DHX15: variants seen among roughly 807,000 people sequenced by gnomAD.
DHX15 encodes DEAH-box helicase 15.
In DHX15, 11 loss-of-function variants were observed where a neutral mutation model predicts 94.4. The ratio of observed to expected loss-of-function variants is 0.12; its 90% CI spans 0.07 to 0.19. DHX15 has a LOEUF of 0.19. Among genes scored for constraint, DHX15 ranks in the 10% least tolerant of loss-of-function variants. The pLI, the probability that DHX15 is intolerant of heterozygous loss-of-function variation, is 1.00. For missense variants in DHX15, 304 were observed against 988.5 expected, an observed-to-expected ratio of 0.31 and a Z score of 9.29; for synonymous variants, 338 against 329.9, an observed-to-expected ratio of 1.02 and a Z score of -0.27.
intron 11 of DHX15, among the ~76,000 whole-genome samples, chr4:24,534,686 G>C (rs763380874): frequency 1.3e-5 from 2 of 151,976 alleles, no homozygotes; most frequent in Non-Finnish European, 2.9e-5. Context: ...TCTAGTTTTC[G>C]ATTTCAAAGG....
intron 3 of DHX15, among the ~76,000 whole-genome samples, chr4:24,569,635 T>G (rs1216862672): frequency 6.6e-6 from 1 of 151,322 alleles, no homozygotes; most frequent in Non-Finnish European, 1.5e-5. Context: ...TTGTTTCATT[T>G]ATCCCATTAA....
At chr4:24,565,987 C>A (rs1312936928) in intron 3 of DHX15, among the ~76,000 whole-genome samples, 3 of 151,990 alleles carry the variant, frequency 2.0e-5, no homozygotes, top group Non-Finnish European at 4.4e-5. Flanking sequence ...CAGACACTGA[C>A]CCTAGAGGCT....
chr4:24,529,292 G>C (rs1200316693), intron 13 of DHX15, among the ~76,000 whole-genome samples: 1 of 152,044 alleles, frequency 6.6e-6, no homozygotes, highest in Non-Finnish European at 1.5e-5. Flanking sequence ...TCCCATCCTG[G>C]CCTCCCAGAG....
chr4:24,566,255 A>AC (rs747991522), intron 3 of DHX15, among the ~76,000 whole-genome samples: 13 of 151,876 alleles, frequency 8.6e-5, no homozygotes, highest in Non-Finnish European at 1.5e-4. Context: ...TCACTATGTT[A>AC]CCCACCCTGG....
Position 24,529,624 on chromosome 4 carries a change from T to C in DHX15, c.2247A>G (p.Thr749=), listed in dbSNP as rs1577330160. Residue 749 remains threonine (T), a synonymous_variant, in exon 13 of 14, where the codon ACA becomes ACG. Transcript: ENST00000336812. ...FVLTTKNYIR[T]CTDIKPEWLV... is the part of the protein sequence containing the mutation. ...ACCATTCTGGCTTGATATCTGTACATGTCCGGATGTAATTCTTTGTTGTTA... is the reference window on the plus strand; with the variant it reads ...ACCATTCTGGCTTGATATCTGTACACGTCCGGATGTAATTCTTTGTTGTTA... The C allele has an allele frequency of 5.6e-6, 9 of 1,614,192 alleles. No homozygotes were observed. Among genetic ancestry groups the C allele is most frequent in the Non-Finnish European group, 7.6e-6 (9 of 1,180,036 alleles).
rs1032948431 is a variant in DHX15 at position 24,555,387 on chromosome 4, A to G, written c.862-444T>C. Among the ~76,000 whole-genome samples the G allele has an allele frequency of 4.2e-4, 64 of 152,090 alleles. 1 individual carries two copies. The highest frequency in any genetic ancestry group is 1.4e-3 in the African/African-American group (60 of 41,452). ...ATAAGAGTTCTTAATTTCTACTTTC[A>G]GGTTCTCACTAAAACCTTGGTAGCA... On this transcript the variant is annotated intron_variant, in intron 4 of 13. Coordinates refer to ENST00000336812, the MANE Select transcript of DHX15 (RefSeq NM_001358.3).
intron 2 of DHX15, among the ~76,000 whole-genome samples, chr4:24,572,251 C>G (rs939201817): frequency 3.9e-5 from 6 of 152,198 alleles, no homozygotes; most frequent in African/African-American, 1.4e-4. Flanking sequence ...TCTCCTACTT[C>G]AGCCTCCCAA....
rs370752885 is a variant in DHX15 at position 24,528,047 on chromosome 4, T to G, written c.2271-6A>C. On this transcript the variant is annotated splice_region_variant and splice_polypyrimidine_tract_variant and intron_variant, in intron 13 of 13. Coordinates refer to ENST00000336812, the MANE Select transcript of DHX15 (RefSeq NM_001358.3). ...GAGGGGCAATTTTCACCAACCTGTT[T>G]AGAAGTGGGCAGAAAAATTTCCAAA... 1.2e-4 allele frequency: 193 copies of G among 1,605,026 alleles called. No individual in the cohort carries two copies. The African/African-American group carries it at 2.3e-3, about 19-fold the overall frequency.
intron 3 of DHX15, among the ~76,000 whole-genome samples, chr4:24,564,930 C>T (rs1009533403): frequency 6.6e-6 from 1 of 152,184 alleles, no homozygotes; most frequent in Non-Finnish European, 1.5e-5. Context: ...TTTAAGACCA[C>T]AATCAAACCA....
At chr4:24,576,784 A>G in intron 1 of DHX15, 106 bp from the exon 2 acceptor site, 1 of 1,437,672 alleles carries the variant, frequency 7.0e-7, no homozygotes, top group Non-Finnish European at 9.2e-7. Flanking sequence ...ATGAATAAAA[A>G]GTCCAATGGA....
intron 5 of DHX15, among the ~76,000 whole-genome samples, chr4:24,549,409 G>GC (rs1721537075): frequency 1.3e-5 from 2 of 152,124 alleles, no homozygotes; most frequent in Non-Finnish European, 2.9e-5. Context: ...TTTTAAATAA[G>GC]CCAATTAGGC....
chr4:24,582,214 G>A (rs1050694521), intron 1 of DHX15, among the ~76,000 whole-genome samples: 2 of 152,190 alleles, frequency 1.3e-5, no homozygotes, highest in East Asian at 3.8e-4. Flanking sequence ...AAATGACATA[G>A]AAATGAGTAT....
intron 5 of DHX15, among the ~76,000 whole-genome samples, chr4:24,551,047 C>G (rs1721591781): frequency 6.6e-6 from 1 of 151,978 alleles, no homozygotes. Context: ...TGGCACATGA[C>G]TATATTCTAA....
intron 6 of DHX15, among the ~76,000 whole-genome samples, chr4:24,547,950 T>G (rs200955003): frequency 8.2e-5 from 1 of 12,204 alleles, no homozygotes. Context: ...TATCTATATC[T>G]ATATCTATAT....
At chr4:24,574,041 C>CACA (rs1722182448) in intron 2 of DHX15, among the ~76,000 whole-genome samples, 1 of 127,766 alleles carries the variant, frequency 7.8e-6, no homozygotes, top group African/African-American at 2.9e-5. Flanking sequence ...ATTAAAAATA[C>CACA]AAAAAAAAAA....
At chr4:24,550,112 A>C (rs1405763168) in intron 5 of DHX15, among the ~76,000 whole-genome samples, 2 of 142,874 alleles carry the variant, frequency 1.4e-5, no homozygotes, top group East Asian at 2.0e-4. Context: ...AAAAAAAAAA[A>C]AAAAAAAAAA....
chr4:24,582,974 A>C (rs980749473), intron 1 of DHX15, among the ~76,000 whole-genome samples: 3 of 152,112 alleles, frequency 2.0e-5, no homozygotes, highest in Non-Finnish European at 4.4e-5. Context: ...TCTATTGAAT[A>C]ATTCAACATA....
At chr4:24,547,897 G>A (rs367750744) in intron 6 of DHX15, among the ~76,000 whole-genome samples, 942 of 55,098 alleles carry the variant, frequency 0.017, 22 homozygotes, top group African/African-American at 0.02. Context: ...CTCTATGTAT[G>A]TATGTGTATA....
chr4:24,583,454 T>A (rs896369887), intron 1 of DHX15, among the ~76,000 whole-genome samples: 1 of 150,324 alleles, frequency 6.7e-6, no homozygotes, highest in Non-Finnish European at 1.5e-5. Context: ...AAGTGGGACA[T>A]GCATAGAAAA....
Sources: allele counts gnomAD v4.1 joint callset (sites outside exome capture counted in the v4.1 genomes callset), GRCh38; gene constraint gnomAD v4.1.1; transcripts MANE v1.5; gene names NCBI Gene and HGNC (gene_info 2026-07-23, HGNC 2026-07-21).